The following GOLM1 variants were observed in gnomAD, a reference collection of about 807,000 sequenced individuals.
GOLM1 encodes golgi membrane protein 1.
In GOLM1, 31 loss-of-function variants were observed where a neutral mutation model predicts 50.5. The ratio of observed to expected loss-of-function variants is 0.61; its 90% confidence interval spans 0.46 to 0.83. The LOEUF (loss-of-function observed/expected upper bound fraction) is 0.83, where lower values mean the gene tolerates loss of function less well. Ranked by LOEUF, GOLM1 falls within the 40% of genes least tolerant of loss-of-function variation. The probability of loss-of-function intolerance (pLI) is 0.00; values close to 1 mark genes in which losing one functional copy is unlikely to be tolerated. For synonymous variants in GOLM1, 178 were observed against 192.8 expected (o/e 0.92, Z 0.64); for missense variants, 491 against 501.3 (o/e 0.98, Z 0.20).
intron 1 of GOLM1, among the ~76,000 whole-genome samples, chr9:86,087,014 T>C: frequency 6.6e-6 from 1 of 152,220 alleles, no homozygotes; most frequent in Non-Finnish European, 1.5e-5. Flanking sequence ...TTGATGGCGA[T>C]AGCATTGAAT....
chr9:86,030,988 G>T, intron 9 of GOLM1, among the ~76,000 whole-genome samples: 1 of 152,226 alleles, frequency 6.6e-6, no homozygotes, highest in East Asian at 1.9e-4. Context: ...AAGGCAGGCG[G>T]ATCATGAGGT....
chr9:86,052,622 C>T, intron 3 of GOLM1, 31 bp from the exon 4 acceptor site: 1 of 1,595,746 alleles, frequency 6.3e-7, no homozygotes, highest in Non-Finnish European at 8.6e-7. Flanking sequence ...CATGAAACAC[C>T]CAAACCAACA....
At position 86,070,579 on chromosome 9, in the gene GOLM1, A is replaced by G. The variant is rs568043571; in HGVS notation, c.309+6833T>C. On this transcript the variant is annotated intron_variant, in intron 3 of 9. Coordinates refer to ENST00000388712, the MANE Select transcript of GOLM1 (RefSeq NM_016548.4). ...GAGCGAGACTCCACCTCAAAAAAAA[A>G]AAACAAAAAAAACCTGATTATTCTC... is the stretch of plus-strand genomic sequence containing the variant. Among the ~76,000 whole-genome samples, 21 of 151,924 alleles carry G rather than the reference A, an allele frequency of 1.4e-4. 1 individual carries two copies. The East Asian group carries it at 3.5e-3, about 25-fold the overall frequency.
rs35054627 is a variant in GOLM1, at chr9:86,028,842, CTTTTTTT to C, written c.1130-956_1130-950del. On this transcript the variant is annotated intron_variant, in intron 9 of 9. Transcript: ENST00000388712. Reference sequence around the variant, plus strand: ...ATGCCCTGTGAAGGGGATAAGGGAACTTTTTTTTTTTTTTTTTTTTTTTTGAGACGGA... The same window carrying C: ...ATGCCCTGTGAAGGGGATAAGGGAACTTTTTTTTTTTTTTTTTGAGACGGA... 3.4e-3 allele frequency among the ~76,000 whole-genome samples: 368 copies of C among 106,826 alleles called. 1 individual carries two copies. Among genetic ancestry groups the C allele is most frequent in the African/African-American group, 8.4e-3 (218 of 25,874 alleles). The allele number at this position is 106,826 out of a possible 152,430, so 70.1% of individuals were successfully genotyped here.
chr9:86,034,272 C>CT (rs1833069803), intron 8 of GOLM1, among the ~76,000 whole-genome samples: 1 of 152,132 alleles, frequency 6.6e-6, no homozygotes, highest in African/African-American at 2.4e-5. Context: ...CAAACAAAAT[C>CT]TTTTTTAAAA....
intron 3 of GOLM1, among the ~76,000 whole-genome samples, chr9:86,073,515 G>A (rs1834515476): frequency 7.9e-5 from 12 of 152,170 alleles, no homozygotes; most frequent in Admixed American, 7.9e-4. Context: ...GCAAGCTGCA[G>A]AGACTTACTT....
chr9:86,026,290 A>ATTCT lies in GOLM1; in HGVS notation c.*1526_*1527insAGAA, dbSNP rs1382934826. On this transcript the variant is annotated 3_prime_UTR_variant, in exon 10 of 10. Coordinates refer to ENST00000388712, the MANE Select transcript of GOLM1 (RefSeq NM_016548.4). Reference sequence around the variant, plus strand: ...AAGTGAGGCTGGAAGAGGACTTAGAAGAGTATGAAAGTACTCTAAGATTTT... The same window carrying ATTCT: ...AAGTGAGGCTGGAAGAGGACTTAGAATTCTGAGTATGAAAGTACTCTAAGATTTT... 2 of 985,186 alleles carry ATTCT rather than the reference A, an allele frequency of 2.0e-6. No homozygotes were observed. Among genetic ancestry groups the ATTCT allele is most frequent in the Non-Finnish European group, 2.4e-6 (2 of 829,708 alleles). The allele number at this position is 985,186 out of a possible 1,614,324, so 61.0% of individuals were successfully genotyped here.
intron 1 of GOLM1, among the ~76,000 whole-genome samples, chr9:86,098,812 C>A (rs901479397): frequency 6.6e-6 from 1 of 152,218 alleles, no homozygotes; most frequent in Non-Finnish European, 1.5e-5. Context: ...CGAGCATCCA[C>A]GAGAACGGGA....
intron 3 of GOLM1, among the ~76,000 whole-genome samples, chr9:86,064,080 G>A (rs1353054132): frequency 6.6e-6 from 1 of 152,232 alleles, no homozygotes; most frequent in African/African-American, 2.4e-5. Flanking sequence ...CCTCCCTGGA[G>A]GTGGGAGGTG....
At position 86,088,420 on chromosome 9, in the gene GOLM1, GTATATATATATATA is replaced by G. The variant is rs71505775; in HGVS notation, c.-21-9093_-21-9080del. Among the ~76,000 whole-genome samples, 400 of 86,296 alleles carry G rather than the reference GTATATATATATATA, an allele frequency of 4.6e-3. 24 individuals carry two copies. The East Asian group carries it at 0.049, about 11-fold the overall frequency. The allele number at this position is 86,296 out of a possible 152,430, so 56.6% of individuals were successfully genotyped here. On this transcript the variant is annotated intron_variant, in intron 1 of 9. Coordinates refer to ENST00000388712, the MANE Select transcript of GOLM1 (RefSeq NM_016548.4). ...TGGATTCGTTGTTTTTTTGAAGGGTGTATATATATATATATATATATATATATATATATATATTT... is the reference window on the plus strand; with the variant it reads ...TGGATTCGTTGTTTTTTTGAAGGGTGTATATATATATATATATATATATTT...
intron 1 of GOLM1, among the ~76,000 whole-genome samples, chr9:86,091,319 A>G (rs1441775653): frequency 1.3e-5 from 2 of 152,132 alleles, no homozygotes; most frequent in Non-Finnish European, 2.9e-5. Flanking sequence ...TTTATAAACA[A>G]CTTACCCACA....
At chr9:86,079,547 G>C (rs1016010495) in intron 1 of GOLM1, 4 of 401,806 alleles carry the variant, frequency 1.0e-5, no homozygotes, top group African/African-American at 8.1e-5. Context: ...AGGGCAGTGT[G>C]GCCAGTTCCC....
At chr9:86,037,960 G>C (rs1833201107) in intron 6 of GOLM1, among the ~76,000 whole-genome samples, 1 of 151,976 alleles carries the variant, frequency 6.6e-6, no homozygotes, top group Non-Finnish European at 1.5e-5. Context: ...TTCAAGACCA[G>C]CTTGACCAAC....
At chr9:86,085,497 T>A (rs10746771) in intron 1 of GOLM1, among the ~76,000 whole-genome samples, 33,825 of 146,180 alleles carry the variant, frequency 0.23, 6,996 homozygotes, top group African/African-American at 0.53. Context: ...TTTTAAATTA[T>A]ACTTTAAGCT....
intron 9 of GOLM1, among the ~76,000 whole-genome samples, chr9:86,032,261 G>A (rs1425816195): frequency 2.6e-5 from 4 of 152,038 alleles, no homozygotes; most frequent in African/African-American, 7.2e-5. Flanking sequence ...TCTGCCTCCC[G>A]GGTTCAAGCG....
At chr9:86,028,622 A>C (rs545591372) in intron 9 of GOLM1, among the ~76,000 whole-genome samples, 2 of 152,264 alleles carry the variant, frequency 1.3e-5, no homozygotes, top group African/African-American at 4.8e-5. Flanking sequence ...TGATTAACAC[A>C]AGCTGCCTGT....
intron 4 of GOLM1, among the ~76,000 whole-genome samples, chr9:86,047,307 C>T (rs1833580260): frequency 6.6e-6 from 1 of 152,192 alleles, no homozygotes; most frequent in African/African-American, 2.4e-5. Flanking sequence ...CCGGACACAG[C>T]CAGGACAGAC....
chr9:86,093,719 CTTTT>C (rs548970979), intron 1 of GOLM1, among the ~76,000 whole-genome samples: 6 of 152,098 alleles, frequency 3.9e-5, no homozygotes, highest in East Asian at 1.9e-4. Context: ...CTTCTAATTA[CTTTT>C]TTTAAAAGAA....
intron 3 of GOLM1, among the ~76,000 whole-genome samples, chr9:86,060,597 A>G (rs1000740258): frequency 2.0e-5 from 3 of 152,142 alleles, no homozygotes; most frequent in African/African-American, 7.2e-5. Context: ...TACATAACAC[A>G]CAGGCCGGGC....
Sources: gnomAD v4.1 joint callset for allele counts (sites outside exome capture counted in the v4.1 genomes callset) on GRCh38, gnomAD v4.1.1 for gene constraint, MANE v1.5 for transcripts, NCBI Gene and HGNC (gene_info 2026-07-23, HGNC 2026-07-21) for gene names.